LRRC42: variants seen among roughly 807,000 people sequenced by gnomAD.
LRRC42 encodes leucine rich repeat containing 42.
LRRC42 carries 43 observed loss-of-function variants against 44.3 expected under a neutral mutation model. The observed-to-expected ratio is 0.97, with a 90% CI of 0.76 to 1.25. LRRC42 has a LOEUF of 1.25. Among genes scored for constraint, LRRC42 ranks in the 50% most tolerant of loss-of-function variants. The probability of loss-of-function intolerance (pLI) is 0.00; values close to 1 mark genes in which losing one functional copy is unlikely to be tolerated. For synonymous variants in LRRC42, 207 were observed against 195.2 expected (o/e 1.06, Z -0.50); for missense variants, 540 against 509.1 (o/e 1.06, Z -0.58).
chr1:53,959,582 C>T (rs1654937630), intron 4 of LRRC42, among the ~76,000 whole-genome samples: 1 of 152,176 alleles, frequency 6.6e-6, no homozygotes, highest in African/African-American at 2.4e-5. Context: ...ATACCAATTC[C>T]AGCTTAGCAT....
intron 7 of LRRC42, among the ~76,000 whole-genome samples, chr1:53,964,286 G>A (rs758723514): frequency 9.2e-5 from 14 of 152,048 alleles, no homozygotes; most frequent in Non-Finnish European, 2.1e-4. Flanking sequence ...GGCTATGACT[G>A]ATTCCTCTTT....
intron 4 of LRRC42, 147 bp downstream of exon 4, chr1:53,958,427 C>G (rs1654904524): frequency 9.5e-7 from 1 of 1,054,028 alleles, no homozygotes; most frequent in Non-Finnish European, 1.4e-6. Flanking sequence ...TCTCCATTTA[C>G]TTGGTATAAG....
intron 2 of LRRC42, among the ~76,000 whole-genome samples, chr1:53,949,230 A>AATC (rs1340744095): frequency 6.6e-6 from 1 of 152,040 alleles, no homozygotes; most frequent in Non-Finnish European, 1.5e-5. Flanking sequence ...TGCTGGATGG[A>AATC]ATCAGACTTC....
At chr1:53,949,733 T>A (rs147459408) in intron 2 of LRRC42, among the ~76,000 whole-genome samples, 3 of 152,128 alleles carry the variant, frequency 2.0e-5, no homozygotes, top group Non-Finnish European at 4.4e-5. Flanking sequence ...TTTTCCCCTG[T>A]TTTTTAGTTT....
In LRRC42 at chr1:53,962,036, A is replaced by G; in HGVS notation, c.727A>G (p.Asn243Asp). ...GCTACGTTGTTTTTGACATCTAGGT[A>G]ACCCTGAGATCACAGATGCAGGCAT... ...ENLTLLDLSC[N>D]PEITDAGIGY... is the part of the protein sequence containing the mutation. Residue 243 changes from asparagine to aspartate, a missense_variant and splice_region_variant, in exon 6 of 9, where the codon AAC (asparagine) becomes GAC (aspartate). Transcript: ENST00000371370. 1 of 1,608,196 alleles carries G rather than the reference A, an allele frequency of 6.2e-7. No individual in the cohort carries two copies. The highest frequency in any genetic ancestry group is 2.2e-5 in the East Asian group (1 of 44,832).
chr1:53,951,272 ATT>A (rs1281648863), intron 2 of LRRC42, among the ~76,000 whole-genome samples: 4 of 152,240 alleles, frequency 2.6e-5, no homozygotes, highest in African/African-American at 9.6e-5. Flanking sequence ...TAATGTATTT[ATT>A]AACATCCCAA....
chr1:53,956,275 C>G (rs1234161356), intron 3 of LRRC42, among the ~76,000 whole-genome samples: 1 of 152,220 alleles, frequency 6.6e-6, no homozygotes, highest in Non-Finnish European at 1.5e-5. Context: ...TACGAAAACT[C>G]TCTTCTCCCT....
intron 5 of LRRC42, 52 bp downstream of exon 5, chr1:53,960,526 A>G (rs760994717): frequency 4.6e-6 from 6 of 1,294,564 alleles, no homozygotes; most frequent in Non-Finnish European, 5.5e-6. Context: ...GAATGGCCTT[A>G]GAGATCATGT....
chr1:53,964,998 GTTTTTTTTTGTTTTT>G (rs1347952404), intron 7 of LRRC42, among the ~76,000 whole-genome samples: 3 of 131,848 alleles, frequency 2.3e-5, no homozygotes, highest in African/African-American at 7.0e-5. Context: ...GAACTGTATT[GTTTTTTTTTGTTTTT>G]TTTTTTTTTG....
chr1:53,952,123 A>G lies in LRRC42; in HGVS notation c.124A>G (p.Arg42Gly), dbSNP rs144681976. 986 of 1,614,218 alleles carry G rather than the reference A, an allele frequency of 6.1e-4. 1 individual carries two copies. Among genetic ancestry groups the G allele is most frequent in the Middle Eastern group, 4.6e-3 (28 of 6,062 alleles). The change falls in exon 3 of 9, where the codon AGG becomes GGG. Residue 42 changes from arginine (R) to glycine (G), a missense_variant. Coordinates refer to ENST00000371370, the MANE Select transcript of LRRC42 (RefSeq NM_001256409.2). ...DGVRSSLQKP[R>G]PFRLFPKGFS... ...TGTCAGGAGTAGCCTGCAGAAGCCA[A>G]GGCCTTTCAGACTGTTCCCCAAAGG...
chr1:53,954,653 G>GT (rs1305989079), intron 3 of LRRC42, among the ~76,000 whole-genome samples: 1 of 152,074 alleles, frequency 6.6e-6, no homozygotes, highest in African/African-American at 2.4e-5. Context: ...CTCGTATTCT[G>GT]TTTTTTCCCC....
intron 3 of LRRC42, 41 bp from the exon 4 acceptor site, chr1:53,958,108 G>A (rs777318584): frequency 1.9e-6 from 3 of 1,610,594 alleles, no homozygotes; most frequent in African/African-American, 2.7e-5. Context: ...TGCTTTAAGA[G>A]TAGTGAGGGG....
intron 3 of LRRC42, among the ~76,000 whole-genome samples, chr1:53,956,083 C>A: frequency 6.6e-6 from 1 of 152,160 alleles, no homozygotes; most frequent in South Asian, 2.1e-4. Flanking sequence ...CATTTGCAAT[C>A]CAGGGCTGTA....
Position 53,967,815 on chromosome 1 carries a change from C to G in LRRC42, c.1163C>G (p.Ser388Ter). Reference protein sequence around the residue: ...LKHEAISSQESKKSKKRPFEE... With the variant: ...LKHEAISSQE ...CACGAAGCTATCTCAAGCCAGGAGTCAAAGAAGAGCAAGAAGAGACCTTTT... is the reference window on the plus strand; with the variant it reads ...CACGAAGCTATCTCAAGCCAGGAGTGAAAGAAGAGCAAGAAGAGACCTTTT... The change falls in exon 9 of 9, where the codon TCA (serine) becomes TGA (stop). Residue 388 changes from serine to a stop codon, truncating the protein, a stop_gained. Coordinates refer to ENST00000371370, the MANE Select transcript of LRRC42 (RefSeq NM_001256409.2). LOFTEE classifies it high-confidence loss of function. 6.2e-7 allele frequency: 1 copy of G among 1,614,128 alleles called. No homozygotes were observed. The highest frequency in any genetic ancestry group is 8.5e-7 in the Non-Finnish European group (1 of 1,180,022).
At chr1:53,954,063 A>G (rs1654765672) in intron 3 of LRRC42, among the ~76,000 whole-genome samples, 1 of 152,230 alleles carries the variant, frequency 6.6e-6, no homozygotes, top group Non-Finnish European at 1.5e-5. Context: ...CACAATCTGC[A>G]TGAGCATTAT....
At chr1:53,958,567 C>T (rs1654908712) in intron 4 of LRRC42, among the ~76,000 whole-genome samples, 1 of 151,848 alleles carries the variant, frequency 6.6e-6, no homozygotes, top group African/African-American at 2.4e-5. Flanking sequence ...AGTGGTTTTG[C>T]CCCTTATTTA....
chr1:53,962,458 T>G, intron 7 of LRRC42, 49 bp downstream of exon 7: 1 of 1,142,510 alleles, frequency 8.8e-7, no homozygotes, highest in Non-Finnish European at 1.3e-6. Flanking sequence ...TTCATCTTAA[T>G]TCCAAGTGTC....
intron 5 of LRRC42, 87 bp from the exon 6 acceptor site, chr1:53,961,947 C>A: frequency 1.1e-6 from 1 of 927,160 alleles, no homozygotes; most frequent in Non-Finnish European, 1.7e-6. Context: ...TTTATCATTG[C>A]CCGGACGTTT....
At chr1:53,946,631 G>T (rs1654472358) in intron 1 of LRRC42, 82 bp downstream of exon 1, 2 of 151,918 alleles carry the variant, frequency 1.3e-5, no homozygotes, top group Admixed American at 6.5e-5. Context: ...GGGAGGGGCG[G>T]GGTGGGGGAG....
Sources: gnomAD v4.1 joint callset for allele counts (sites outside exome capture counted in the v4.1 genomes callset) on GRCh38, gnomAD v4.1.1 for gene constraint, MANE v1.5 for transcripts, NCBI Gene and HGNC (gene_info 2026-07-23, HGNC 2026-07-21) for gene names.